Variants in CSMD1 observed in about 807,000 individuals in gnomAD.
CSMD1 encodes the protein CUB and sushi domain-containing protein 1.
A neutral mutation model predicts 417.5 loss-of-function variants in CSMD1; 213 were observed. The observed-to-expected ratio is 0.51, with a 90% CI of 0.46 to 0.57. The LOEUF (loss-of-function observed/expected upper bound fraction) is 0.57, where lower values mean the gene tolerates loss of function less well. Among genes scored for constraint, CSMD1 ranks in the 20% least tolerant of loss-of-function variants. CSMD1 has a pLI of 0.00. For missense variants in CSMD1, 6,923 were observed against 4,529.7 expected (o/e 1.53, Z -15.17); for synonymous variants, 2,862 against 1,736.8 (o/e 1.65, Z -16.11).
At chr8:4,285,167 A>G (rs1465284331) in intron 3 of CSMD1, among the ~76,000 whole-genome samples, 3 of 152,208 alleles carry the variant, frequency 2.0e-5, no homozygotes, top group African/African-American at 7.2e-5. Flanking sequence ...GTTTTACTCC[A>G]TGAATTTTAT....
At chr8:2,981,319 A>T (rs1269893002) in intron 54 of CSMD1, among the ~76,000 whole-genome samples, 11 of 152,228 alleles carry the variant, frequency 7.2e-5, no homozygotes, top group Admixed American at 1.3e-4. Flanking sequence ...GATCTGATGG[A>T]AAGAGGCTTA....
At chr8:4,729,760 A>G (rs145348692) in intron 1 of CSMD1, among the ~76,000 whole-genome samples, 1 of 152,204 alleles carries the variant, frequency 6.6e-6, no homozygotes, top group Non-Finnish European at 1.5e-5. Flanking sequence ...AGGATCTCAT[A>G]AACAACTTAA....
chr8:4,002,067 A>G (rs954019112), intron 4 of CSMD1, among the ~76,000 whole-genome samples: 8 of 152,214 alleles, frequency 5.3e-5, no homozygotes, highest in Non-Finnish European at 8.8e-5. Context: ...GAAGATTATT[A>G]AGATAGTCTG....
chr8:3,192,437 AC>A (rs1796480589), intron 33 of CSMD1, among the ~76,000 whole-genome samples: 2 of 152,042 alleles, frequency 1.3e-5, no homozygotes, highest in South Asian at 4.1e-4. Flanking sequence ...AGTCTGATAC[AC>A]CTTCTACACG....
At chr8:4,247,374 T>C (rs183488011) in intron 3 of CSMD1, among the ~76,000 whole-genome samples, 109 of 152,176 alleles carry the variant, frequency 7.2e-4, no homozygotes, top group African/African-American at 2.6e-3. Context: ...ACGAGTAAGG[T>C]AGAGTCAGTT....
chr8:3,625,197 T>A (rs1285118180), intron 7 of CSMD1, among the ~76,000 whole-genome samples: 1 of 152,218 alleles, frequency 6.6e-6, no homozygotes, highest in Non-Finnish European at 1.5e-5. Flanking sequence ...TAAGAATTGT[T>A]GACACTTGGA....
At chr8:4,698,190 C>A (rs1279821268) in intron 1 of CSMD1, among the ~76,000 whole-genome samples, 1 of 151,086 alleles carries the variant, frequency 6.6e-6, no homozygotes, top group Non-Finnish European at 1.5e-5. Flanking sequence ...ACTTTCTGCA[C>A]CTTCATCTGT....
chr8:4,414,732 T>C (rs1382866484), intron 3 of CSMD1, among the ~76,000 whole-genome samples: 1 of 152,192 alleles, frequency 6.6e-6, no homozygotes, highest in Non-Finnish European at 1.5e-5. Flanking sequence ...AAAAGTTAAG[T>C]TGTGGTTGAG....
At position 4,166,796 on chromosome 8, in the gene CSMD1, G is replaced by C. The variant is rs79588713; in HGVS notation, c.416-134697C>G. Among the ~76,000 whole-genome samples, 159 of 152,272 alleles carry C rather than the reference G, an allele frequency of 1.0e-3. 1 individual carries two copies. The highest frequency in any genetic ancestry group is 3.7e-3 in the African/African-American group (153 of 41,540). ...ATGTAGCCCTACCAAAATGATCAGGGTGTGTTTAATGAGACAATATTTTAC... is the reference window on the plus strand; with the variant it reads ...ATGTAGCCCTACCAAAATGATCAGGCTGTGTTTAATGAGACAATATTTTAC... On this transcript the variant is annotated intron_variant, in intron 3 of 69. Transcript: ENST00000635120.
intron 1 of CSMD1, among the ~76,000 whole-genome samples, chr8:4,990,285 T>C (rs1811392867): frequency 6.6e-6 from 1 of 152,168 alleles, no homozygotes; most frequent in South Asian, 2.1e-4. Context: ...TAGTAATTAG[T>C]AATAATATCC....
intron 5 of CSMD1, among the ~76,000 whole-genome samples, chr8:3,945,550 G>C (rs979940931): frequency 1.4e-4 from 21 of 152,128 alleles, no homozygotes; most frequent in South Asian, 8.3e-4. Context: ...TATAACTTTT[G>C]AGAGACAAGT....
intron 10 of CSMD1, among the ~76,000 whole-genome samples, chr8:3,525,563 G>C (rs1046651074): frequency 1.3e-5 from 2 of 152,150 alleles, no homozygotes; most frequent in Non-Finnish European, 2.9e-5. Context: ...TCTCTTGACA[G>C]TTCAGGGAAC....
chr8:4,058,636 G>C (rs1309875281), intron 3 of CSMD1, among the ~76,000 whole-genome samples: 1 of 149,986 alleles, frequency 6.7e-6, no homozygotes, highest in East Asian at 2.0e-4. Flanking sequence ...GGCAGGGGTT[G>C]CAATCCTAGT....
intron 3 of CSMD1, among the ~76,000 whole-genome samples, chr8:4,191,178 C>G (rs753681829): frequency 6.6e-6 from 1 of 152,122 alleles, no homozygotes; most frequent in Non-Finnish European, 1.5e-5. Flanking sequence ...AGGTGGATCA[C>G]GACGTCAGGA....
At chr8:4,641,493 T>C (rs1803185188) in intron 1 of CSMD1, among the ~76,000 whole-genome samples, 1 of 152,150 alleles carries the variant, frequency 6.6e-6, no homozygotes, top group African/African-American at 2.4e-5. Context: ...CAAACTACAT[T>C]TTCACATATA....
intron 2 of CSMD1, among the ~76,000 whole-genome samples, chr8:4,544,425 A>C (rs1797545518): frequency 6.6e-6 from 1 of 152,070 alleles, no homozygotes. Context: ...TAGTTATAAA[A>C]TTTTGTAATA....
chr8:3,312,805 C>CAGTTA (rs1554511093), intron 23 of CSMD1, among the ~76,000 whole-genome samples: 1 of 151,530 alleles, frequency 6.6e-6, no homozygotes, highest in African/African-American at 2.4e-5. Context: ...TTCTCAAAGG[C>CAGTTA]AGTTAGACTT....
At chr8:3,376,015 C>G (rs1392156067) in intron 18 of CSMD1, among the ~76,000 whole-genome samples, 2 of 152,170 alleles carry the variant, frequency 1.3e-5, no homozygotes, top group Admixed American at 6.6e-5. Flanking sequence ...CTTCTTTATC[C>G]TCATCCACTT....
intron 7 of CSMD1, among the ~76,000 whole-genome samples, chr8:3,683,740 C>T (rs1300051542): frequency 6.6e-6 from 1 of 152,090 alleles, no homozygotes; most frequent in African/African-American, 2.4e-5. Context: ...TCAACTCAAA[C>T]CCAGGTCTCC....
Sources: allele counts gnomAD v4.1 joint callset (sites outside exome capture counted in the v4.1 genomes callset), GRCh38; gene constraint gnomAD v4.1.1; transcripts MANE v1.5; gene names NCBI Gene and HGNC (gene_info 2026-07-23, HGNC 2026-07-21).